Variants in WHRN observed in about 807,000 individuals in gnomAD.
WHRN encodes the protein CASK-interacting protein CIP98.
A neutral mutation model predicts 68.3 loss-of-function variants in WHRN; 41 were observed. The observed-to-expected ratio is 0.60, with a 90% CI of 0.47 to 0.78. WHRN has a LOEUF of 0.78. WHRN is among the 30% of genes least tolerant of loss of function. WHRN has a pLI of 0.00. For synonymous variants in WHRN, 560 were observed against 561.3 expected, an observed-to-expected ratio of 1.00 and a Z score of 0.03; for missense variants, 1,243 against 1,244.7, an observed-to-expected ratio of 1.00 and a Z score of 0.02.
chr9:114,450,776 C>A lies in WHRN; in HGVS notation c.963+15491G>T, dbSNP rs548703196. On this transcript the variant is annotated intron_variant, in intron 3 of 11. Coordinates refer to ENST00000362057, the MANE Select transcript of WHRN (RefSeq NM_015404.4). ...CCACCAGGGAATGTCATCACCGCCC[C>A]GGCACACAGTAGGTGTCAGAAGTAG... Among the ~76,000 whole-genome samples the A allele has an allele frequency of 5.9e-5, 9 of 152,054 alleles. No individual in the cohort carries two copies. The East Asian group carries it at 1.7e-3, about 29-fold the overall frequency.
chr9:114,436,025 C>CTG (rs1450775069), intron 3 of WHRN, among the ~76,000 whole-genome samples: 3 of 152,182 alleles, frequency 2.0e-5, no homozygotes, highest in Admixed American at 1.3e-4. Flanking sequence ...AAAACATCAA[C>CTG]AAGCTTTTGT....
At chr9:114,421,242 G>A (rs949298800) in intron 7 of WHRN, among the ~76,000 whole-genome samples, 2 of 152,204 alleles carry the variant, frequency 1.3e-5, no homozygotes, top group Non-Finnish European at 2.9e-5. Flanking sequence ...TTCCACAGCT[G>A]GGATCTGGAC....
chr9:114,454,689 T>TG (rs2132761751), intron 3 of WHRN, among the ~76,000 whole-genome samples: 1 of 151,344 alleles, frequency 6.6e-6, no homozygotes, highest in Admixed American at 6.6e-5. Context: ...GAAGCTATAT[T>TG]TTTTTTTTAG....
intron 6 of WHRN, 22 bp from the exon 7 acceptor site, chr9:114,423,545 G>C (rs983927197): frequency 6.3e-7 from 1 of 1,594,570 alleles, no homozygotes; most frequent in Non-Finnish European, 8.6e-7. Context: ...GACAAAAGGG[G>C]CACTCAGCAG....
In WHRN at chr9:114,486,908, AGTGT is replaced by A. The variant is rs141910825; in HGVS notation, c.619-8141_619-8138del. ...TTAGTGTGTGTGTGTGTGTGTGTAG[AGTGT>A]GTGTGTGTGTGTAGAGTGTGTGTGT... is the stretch of plus-strand genomic sequence containing the variant. On this transcript the variant is annotated intron_variant, in intron 1 of 11. Coordinates refer to ENST00000362057, the MANE Select transcript of WHRN (RefSeq NM_015404.4). Among the ~76,000 whole-genome samples the A allele has an allele frequency of 2.1e-4, 7 of 34,092 alleles. 1 individual carries two copies. The highest frequency in any genetic ancestry group is 2.0e-4 in the Non-Finnish European group (2 of 10,172). 22.4% of individuals were successfully genotyped at this position (34,092 alleles called of 152,430 possible).
At chr9:114,451,039 G>A (rs1252126009) in intron 3 of WHRN, among the ~76,000 whole-genome samples, 2 of 152,142 alleles carry the variant, frequency 1.3e-5, no homozygotes, top group Admixed American at 1.3e-4. Flanking sequence ...TGCAGAGCCC[G>A]GCTGCAACCA....
intron 1 of WHRN, among the ~76,000 whole-genome samples, chr9:114,481,910 C>T (rs1467639088): frequency 6.6e-6 from 1 of 151,754 alleles, no homozygotes; most frequent in East Asian, 1.9e-4. Flanking sequence ...GTCCTCATGA[C>T]ACTTGAGCCT....
At chr9:114,453,721 T>G (rs1385601648) in intron 3 of WHRN, among the ~76,000 whole-genome samples, 1 of 152,182 alleles carries the variant, frequency 6.6e-6, no homozygotes, top group Non-Finnish European at 1.5e-5. Flanking sequence ...AGATATCCTA[T>G]ATATTACATG....
intron 1 of WHRN, among the ~76,000 whole-genome samples, chr9:114,487,015 T>A (rs1375767855): frequency 2.0e-5 from 2 of 100,110 alleles, no homozygotes; most frequent in South Asian, 3.4e-4. Context: ...ATATAATATA[T>A]ATAGTGTTTA....
At chr9:114,420,048 CTA>C (rs879481266) in intron 7 of WHRN, among the ~76,000 whole-genome samples, 17 of 152,198 alleles carry the variant, frequency 1.1e-4, no homozygotes, top group Non-Finnish European at 2.5e-4. Context: ...TCCATCAGGT[CTA>C]TAAGCCACAG....
At chr9:114,469,665 C>T (rs574172344) in intron 2 of WHRN, among the ~76,000 whole-genome samples, 7 of 152,250 alleles carry the variant, frequency 4.6e-5, no homozygotes, top group Non-Finnish European at 8.8e-5. Context: ...TGAGAAGGCA[C>T]GGCAGCCCTG....
intron 3 of WHRN, among the ~76,000 whole-genome samples, chr9:114,452,832 A>C (rs1270732845): frequency 1.3e-5 from 2 of 152,086 alleles, no homozygotes; most frequent in Non-Finnish European, 2.9e-5. Flanking sequence ...TCCATTTCAC[A>C]CATGGGGATG....
intron 3 of WHRN, among the ~76,000 whole-genome samples, chr9:114,444,500 T>C (rs965252916): frequency 6.6e-6 from 1 of 151,914 alleles, no homozygotes; most frequent in Non-Finnish European, 1.5e-5. Context: ...AATGACATAG[T>C]ACAAATAGTC....
chr9:114,434,915 T>TC (rs1476133432), intron 3 of WHRN, among the ~76,000 whole-genome samples: 1 of 152,164 alleles, frequency 6.6e-6, no homozygotes, highest in East Asian at 1.9e-4. Context: ...CTGCTTTTTT[T>TC]CCGATCCAAC....
intron 3 of WHRN, among the ~76,000 whole-genome samples, chr9:114,456,037 G>C (rs2063183090): frequency 1.3e-5 from 2 of 151,422 alleles, no homozygotes; most frequent in Non-Finnish European, 2.9e-5. Context: ...ATGGGTACTT[G>C]AAGTATGGTT....
intron 1 of WHRN, chr9:114,503,048 G>C (rs1010745807): frequency 1.2e-6 from 1 of 852,162 alleles, no homozygotes; most frequent in African/African-American, 1.8e-5. Context: ...GATGGGCTGG[G>C]AAGCAAATGA....
intron 2 of WHRN, among the ~76,000 whole-genome samples, chr9:114,475,528 G>A (rs190300705): frequency 1.2e-3 from 187 of 152,258 alleles, no homozygotes; most frequent in African/African-American, 4.4e-3. Flanking sequence ...CCAGCTCCAG[G>A]GGATGGCATA....
chr9:114,491,856 T>A, intron 1 of WHRN: 1 of 264,394 alleles, frequency 3.8e-6, no homozygotes. Flanking sequence ...ATGGCTTCCC[T>A]TTGCCCTGAG....
At chr9:114,438,642 T>C (rs568055896) in intron 3 of WHRN, among the ~76,000 whole-genome samples, 26 of 152,076 alleles carry the variant, frequency 1.7e-4, no homozygotes, top group South Asian at 4.1e-4. Flanking sequence ...TTAGTAGAGA[T>C]GGGGTTTCAC....
Sources: allele counts gnomAD v4.1 joint callset (sites outside exome capture counted in the v4.1 genomes callset), GRCh38; gene constraint gnomAD v4.1.1; transcripts MANE v1.5; gene names NCBI Gene and HGNC (gene_info 2026-07-23, HGNC 2026-07-21).